ADAMTS9: variants seen among roughly 807,000 people sequenced by gnomAD.
ADAMTS9 encodes the protein ADAM metallopeptidase with thrombospondin type 1 motif 9, also known as A disintegrin and metalloproteinase with thrombospondin motifs 9.
A neutral mutation model predicts 257.1 loss-of-function variants in ADAMTS9; 107 were observed. The ratio of observed to expected loss-of-function variants is 0.42; its 90% CI spans 0.36 to 0.49. The LOEUF (loss-of-function observed/expected upper bound fraction) is 0.49. Among genes scored for constraint, ADAMTS9 ranks in the 20% least tolerant of loss-of-function variants. The pLI is 0.03. For missense variants in ADAMTS9, 2,353 were observed against 2,469.1 expected (o/e 0.95, Z 1.00); for synonymous variants, 982 against 880.9 (o/e 1.11, Z -2.03).
chr3:64,619,381 C>T (rs111660288), intron 19 of ADAMTS9, among the ~76,000 whole-genome samples: 2 of 152,090 alleles, frequency 1.3e-5, no homozygotes, highest in African/African-American at 2.4e-5. Flanking sequence ...TAACACTCAT[C>T]GTTATAACTG....
At chr3:64,591,135 T>C (rs2084251157) in intron 28 of ADAMTS9, among the ~76,000 whole-genome samples, 1 of 152,132 alleles carries the variant, frequency 6.6e-6, no homozygotes, top group Admixed American at 6.5e-5. Flanking sequence ...CTGAAAGGCA[T>C]GTGAGTTTAA....
chr3:64,539,192 C>A lies in ADAMTS9; in HGVS notation c.5613+11G>T. 1 of 1,609,968 alleles carries A rather than the reference C, an allele frequency of 6.2e-7. No individual in the cohort carries two copies. The highest frequency in any genetic ancestry group is 8.5e-7 in the Non-Finnish European group (1 of 1,176,224). ...GAATCCCTGGCAAGGGGGAAGGCAC[C>A]AAGGACATACCTGTGGGCACTTGGC... On this transcript the variant is annotated intron_variant, in intron 37 of 39. Coordinates refer to ENST00000498707, the MANE Select transcript of ADAMTS9 (RefSeq NM_182920.2).
intron 30 of ADAMTS9, among the ~76,000 whole-genome samples, chr3:64,555,372 A>G (rs1307246742): frequency 6.8e-6 from 1 of 147,168 alleles, no homozygotes; most frequent in East Asian, 2.0e-4. Context: ...TGTAACTTTA[A>G]AGTCATTCAT....
intron 28 of ADAMTS9, among the ~76,000 whole-genome samples, chr3:64,573,230 C>T (rs1319859665): frequency 6.6e-6 from 1 of 152,120 alleles, no homozygotes; most frequent in Admixed American, 6.6e-5. Flanking sequence ...AGGGGGACAG[C>T]CCTAGCACAG....
chr3:64,637,257 TTTAA>T (rs1319522403), intron 12 of ADAMTS9, among the ~76,000 whole-genome samples: 2 of 152,204 alleles, frequency 1.3e-5, no homozygotes, highest in Non-Finnish European at 2.9e-5. Context: ...CATTTTATAA[TTTAA>T]TTATTTAGCT....
chr3:64,579,825 A>C (rs7648540), intron 28 of ADAMTS9, among the ~76,000 whole-genome samples: 18,381 of 152,172 alleles, frequency 0.12, 1,435 homozygotes, highest in East Asian at 0.24. Context: ...TCAGTCCAAA[A>C]CTAGCCACAT....
intron 28 of ADAMTS9, chr3:64,592,472 A>G (rs1364653941): frequency 6.6e-6 from 1 of 152,206 alleles, no homozygotes; most frequent in Admixed American, 6.5e-5. Context: ...TTAAACATTT[A>G]TGCTCTTAAA....
At chr3:64,673,974 T>TA (rs1271840581) in intron 3 of ADAMTS9, among the ~76,000 whole-genome samples, 1 of 151,998 alleles carries the variant, frequency 6.6e-6, no homozygotes, top group East Asian at 1.9e-4. Flanking sequence ...TGATAATTTT[T>TA]AAAAAAATTT....
chr3:64,680,631 A>T (rs1042444413), intron 3 of ADAMTS9, among the ~76,000 whole-genome samples: 4 of 152,182 alleles, frequency 2.6e-5, no homozygotes, highest in African/African-American at 7.2e-5. Context: ...ATAGGATTTG[A>T]CTGGTTGATT....
At position 64,658,544 on chromosome 3, in the gene ADAMTS9, A is replaced by G. The variant is rs1232681084; in HGVS notation, c.927T>C (p.His309=). 6.2e-7 allele frequency: 1 copy of G among 1,613,590 alleles called. No homozygotes were observed. The highest frequency in any genetic ancestry group is 1.1e-5 in the South Asian group (1 of 91,020). The part of the protein sequence containing the change: ...VVADNRMVSY[H]GENLQHYILT... ...AAATATAGTGTTGAAGGTTTTCTCC[A>G]TGGTATGAAACCATTCTGTTGTCTG... Residue 309 remains histidine, a synonymous_variant, in exon 4 of 40, where the codon CAT becomes CAC. Transcript: ENST00000498707.
At chr3:64,617,182 G>C (rs926012781) in intron 19 of ADAMTS9, among the ~76,000 whole-genome samples, 1 of 152,176 alleles carries the variant, frequency 6.6e-6, no homozygotes, top group African/African-American at 2.4e-5. Context: ...ACTTCCTTCA[G>C]GAAGTGTGGC....
At position 64,686,522 on chromosome 3, in the gene ADAMTS9, G is replaced by T; in HGVS notation, c.516+46C>A. 2 of 1,533,912 alleles carry T rather than the reference G, an allele frequency of 1.3e-6. No homozygotes were observed. Among genetic ancestry groups the T allele is most frequent in the African/African-American group, 1.4e-5 (1 of 73,270 alleles). On this transcript the variant is annotated intron_variant, in intron 2 of 39. Coordinates refer to ENST00000498707, the MANE Select transcript of ADAMTS9 (RefSeq NM_182920.2). This position sits in a 1 kb window ranked among gnomAD's most constrained non-coding sequence, Gnocchi z 4.6. ...GAGGACAATTAAGTCTTCTAGAAGC[G>T]GGCGAGGAGGCGGAAGGGGAGAGGA...
intron 19 of ADAMTS9, 23 bp downstream of exon 19, chr3:64,621,091 G>A (rs758882364): frequency 6.3e-7 from 1 of 1,595,734 alleles, no homozygotes; most frequent in Admixed American, 1.8e-5. Flanking sequence ...AGTAATAAAG[G>A]CCTTGAGAAA....
intron 12 of ADAMTS9, among the ~76,000 whole-genome samples, chr3:64,638,209 T>C (rs978613625): frequency 2.0e-5 from 3 of 152,170 alleles, no homozygotes; most frequent in Admixed American, 1.3e-4. Context: ...GCTGTGTCTT[T>C]CCTAAGGAAC....
chr3:64,523,739 C>A (rs1481298106), intron 38 of ADAMTS9, among the ~76,000 whole-genome samples: 1 of 152,098 alleles, frequency 6.6e-6, no homozygotes, highest in Non-Finnish European at 1.5e-5. Context: ...ACCCATCATC[C>A]ATTTTGTGAA....
intron 16 of ADAMTS9, among the ~76,000 whole-genome samples, chr3:64,627,476 A>G (rs1236025325): frequency 2.0e-5 from 3 of 152,168 alleles, no homozygotes; most frequent in Admixed American, 6.5e-5. Flanking sequence ...CTGGAGACAA[A>G]TAAGTATCAC....
intron 11 of ADAMTS9, among the ~76,000 whole-genome samples, chr3:64,647,654 A>T (rs1421456456): frequency 1.3e-5 from 2 of 152,244 alleles, no homozygotes; most frequent in African/African-American, 2.4e-5. Flanking sequence ...CCATAGGCAC[A>T]CTGTAATTTT....
At chr3:64,669,360 A>T (rs1325242461) in intron 3 of ADAMTS9, among the ~76,000 whole-genome samples, 3 of 152,084 alleles carry the variant, frequency 2.0e-5, no homozygotes, top group African/African-American at 7.2e-5. Flanking sequence ...TCCCCTTTCC[A>T]GGCACCATCT....
chr3:64,590,025 T>C (rs937988575), intron 28 of ADAMTS9: 1 of 152,146 alleles, frequency 6.6e-6, no homozygotes, highest in Non-Finnish European at 1.5e-5. Flanking sequence ...TCCAATCACC[T>C]TTTTTTGTCT....
Sources: allele counts gnomAD v4.1 joint callset (sites outside exome capture counted in the v4.1 genomes callset), GRCh38; gene constraint gnomAD v4.1.1; non-coding constraint Gnocchi (gnomAD v3.1); transcripts MANE v1.5; gene names NCBI Gene and HGNC (gene_info 2026-07-23, HGNC 2026-07-21).